Variants in RPUSD3 observed in about 807,000 individuals in gnomAD.
RPUSD3 encodes the protein mitochondrial mRNA pseudouridine synthase RPUSD3.
In RPUSD3, 36 loss-of-function variants were observed where a neutral mutation model predicts 35.1. The ratio of observed to expected loss-of-function variants is 1.02; its 90% CI spans 0.79 to 1.35. The LOEUF (loss-of-function observed/expected upper bound fraction) is 1.35. RPUSD3 is among the 40% of genes most tolerant of loss of function. The probability of loss-of-function intolerance (pLI) is 0.00; values close to 1 mark genes in which losing one functional copy is unlikely to be tolerated. For missense variants in RPUSD3, 486 were observed against 441.9 expected, an observed-to-expected ratio of 1.10 and a Z score of -0.89; for synonymous variants, 202 against 187.8, an observed-to-expected ratio of 1.08 and a Z score of -0.62.
chr3:9,840,365 C>T (rs763905735), intron 6 of RPUSD3, 58 bp from the exon 7 acceptor site: 1 of 1,613,996 alleles, frequency 6.2e-7, no homozygotes, highest in Non-Finnish European at 8.5e-7. Flanking sequence ...TATACCCAGA[C>T]CCTCCCTGCT....
intron 2 of RPUSD3, 44 bp downstream of exon 2, chr3:9,843,421 A>C (rs375999693): frequency 1.9e-6 from 3 of 1,608,782 alleles, no homozygotes; most frequent in Non-Finnish European, 2.6e-6. Flanking sequence ...ACGCCGAGGC[A>C]GTCCCCTCCC....
At chr3:9,843,600 G>T (rs1225027236) in exon 2 of RPUSD3, 1 of 1,613,326 alleles carries the variant, frequency 6.2e-7, no homozygotes. Flanking sequence ...TGCCTCTGAT[G>T]CCTGGACAAG....
intron 8 of RPUSD3, among the ~76,000 whole-genome samples, 155 bp from the exon 9 acceptor site, chr3:9,838,362 T>C (rs1382742456): frequency 6.6e-6 from 1 of 152,190 alleles, no homozygotes; most frequent in East Asian, 1.9e-4. Flanking sequence ...ATGTGCACAT[T>C]CACACAGGCA....
chr3:9,840,540 C>T, exon 6 of RPUSD3: 1 of 1,614,060 alleles, frequency 6.2e-7, no homozygotes, highest in Non-Finnish European at 8.5e-7. Context: ...ACGAGATTGA[C>T]CCCATCAATG....
chr3:9,840,416 C>A, intron 6 of RPUSD3, 109 bp from the exon 7 acceptor site: 2 of 1,607,214 alleles, frequency 1.2e-6, no homozygotes, highest in South Asian at 2.2e-5. Context: ...AGGCAGTGGT[C>A]ACTTGCCTGT....
exon 7 of RPUSD3, chr3:9,840,273 A>G: frequency 1.2e-6 from 2 of 1,614,026 alleles, no homozygotes; most frequent in Admixed American, 1.7e-5. Context: ...ACCTTCCAGG[A>G]TGTCCTTTCG....
chr3:9,843,295 G>T, intron 2 of RPUSD3, 170 bp downstream of exon 2: 2 of 854,996 alleles, frequency 2.3e-6, no homozygotes, highest in Non-Finnish European at 3.7e-6. Flanking sequence ...CTGCATCATG[G>T]CAGTAGGGTT....
chr3:9,843,862 C>T (rs1367018968), intron 1 of RPUSD3, 28 bp downstream of exon 1: 2 of 1,585,902 alleles, frequency 1.3e-6, no homozygotes, highest in African/African-American at 1.3e-5. Context: ...AGCCTCCGTC[C>T]CGCATGAGAG....
intron 8 of RPUSD3, 51 bp from the exon 9 acceptor site, chr3:9,838,258 G>C (rs758918122): frequency 1.6e-5 from 26 of 1,589,110 alleles, no homozygotes; most frequent in Non-Finnish European, 2.2e-5. Flanking sequence ...CCAAGCAGCT[G>C]AGTACCCAGC....
Position 9,843,959 on chromosome 3 carries a change from C to T in RPUSD3, c.56G>A (p.Trp19Ter), listed in dbSNP as rs374892245. The change falls in exon 1 of 9, where the codon TGG becomes TAG. Residue 19 changes from tryptophan (W) to a stop codon, truncating the protein, a stop_gained. Coordinates refer to ENST00000383820, the Ensembl canonical transcript of RPUSD3. LOFTEE classifies it high-confidence loss of function. Reference sequence around the variant, plus strand: ...ACCCAGGCCCCGCCGCCAGCCACTCCAGAACCGGCCCAAAACACGGCGGCC... The same window carrying T: ...ACCCAGGCCCCGCCGCCAGCCACTCTAGAACCGGCCCAAAACACGGCGGCC... 11 of 1,609,004 alleles carry T rather than the reference C, an allele frequency of 6.8e-6. No homozygotes were observed. The African/African-American group carries it at 1.5e-4, about 21-fold the overall frequency.
At chr3:9,842,682 T>G (rs1465088379) in intron 2 of RPUSD3, 1 of 243,440 alleles carries the variant, frequency 4.1e-6, no homozygotes, top group Admixed American at 4.9e-5. Context: ...CATATCTATC[T>G]TTTTCAGCAC....
intron 6 of RPUSD3, 65 bp downstream of exon 6, chr3:9,840,467 C>G: frequency 6.3e-7 from 1 of 1,595,162 alleles, no homozygotes; most frequent in East Asian, 2.2e-5. Flanking sequence ...ATCCATACCC[C>G]TGACTCCTCT....
chr3:9,839,158 T>A, exon 8 of RPUSD3: 1 of 1,611,750 alleles, frequency 6.2e-7, no homozygotes, highest in Non-Finnish European at 8.5e-7. Context: ...GCACCTGTAG[T>A]TGACTGGAGA....
chr3:9,840,115 C>T lies in RPUSD3; in HGVS notation c.724+69G>A, dbSNP rs1158240760. On this transcript the variant is annotated intron_variant, in intron 7 of 8. Coordinates refer to ENST00000383820, the Ensembl canonical transcript of RPUSD3. The stretch of plus-strand genomic sequence containing the variant: ...CAGACTGGTCTTGAACTCCTGACCT[C>T]GTGATCCACCTGCCTCAGCCTCCCA... 5 of 1,565,236 alleles carry T rather than the reference C, an allele frequency of 3.2e-6. No individual in the cohort carries two copies. The African/African-American group carries it at 4.1e-5, about 13-fold the overall frequency.
chr3:9,841,808 G>C, intron 4 of RPUSD3, 175 bp downstream of exon 4: 1 of 597,474 alleles, frequency 1.7e-6, no homozygotes, highest in Non-Finnish European at 3.0e-6. Context: ...CACACCATTT[G>C]TACTTGAGGA....
chr3:9,839,938 T>C (rs931796270), intron 7 of RPUSD3: 21 of 393,962 alleles, frequency 5.3e-5, no homozygotes, highest in Non-Finnish European at 8.8e-5. Flanking sequence ...TGGAGTGCAG[T>C]GGCATGATCT....
chr3:9,840,464 C>A, intron 6 of RPUSD3, 68 bp downstream of exon 6: 1 of 1,594,788 alleles, frequency 6.3e-7, no homozygotes, highest in Non-Finnish European at 8.6e-7. Flanking sequence ...CAAATCCATA[C>A]CCCTGACTCC....
exon 1 of RPUSD3, chr3:9,843,978 G>A (rs377036146): frequency 6.2e-6 from 10 of 1,603,198 alleles, no homozygotes; most frequent in African/African-American, 4.0e-5. Context: ...CCCAAAACAC[G>A]GCGGCCGTCC....
exon 9 of RPUSD3, chr3:9,837,854 TAG>T: frequency 1.5e-6 from 1 of 669,752 alleles, no homozygotes; most frequent in Non-Finnish European, 2.4e-6. Context: ...TAACATGAGG[TAG>T]GAACTTTTAT....
Sources: gnomAD v4.1 joint callset for allele counts (sites outside exome capture counted in the v4.1 genomes callset) on GRCh38, gnomAD v4.1.1 for gene constraint, MANE v1.5 for transcripts, NCBI Gene and HGNC (gene_info 2026-07-23, HGNC 2026-07-21) for gene names.